The following TBC1D22A variants were observed in gnomAD, a reference collection of about 807,000 sequenced individuals.
TBC1D22A encodes the protein putative GTPase activator.
In TBC1D22A, 38 loss-of-function variants were observed where a neutral mutation model predicts 60.2. The observed-to-expected ratio is 0.63, with a 90% CI of 0.49 to 0.83. The LOEUF is 0.83. Ranked by LOEUF, TBC1D22A falls within the 40% of genes least tolerant of loss-of-function variation. The pLI is 0.00. For missense variants in TBC1D22A, 628 were observed against 701.0 expected, an observed-to-expected ratio of 0.90 and a Z score of 1.18; for synonymous variants, 302 against 281.7, an observed-to-expected ratio of 1.07 and a Z score of -0.72.
At chr22:46,996,146 G>A (rs1001348660) in intron 9 of TBC1D22A, among the ~76,000 whole-genome samples, 34 of 152,242 alleles carry the variant, frequency 2.2e-4, no homozygotes, top group Non-Finnish European at 4.6e-4. Flanking sequence ...TGCCTGCTAC[G>A]AGCCAGCACC....
chr22:47,128,857 G>A (rs990209544), intron 12 of TBC1D22A, among the ~76,000 whole-genome samples: 8 of 152,122 alleles, frequency 5.3e-5, no homozygotes, highest in South Asian at 2.1e-4. Flanking sequence ...CAAGATCCCC[G>A]GCTCTTCATG....
At chr22:47,021,818 G>A (rs752815152) in intron 10 of TBC1D22A, among the ~76,000 whole-genome samples, 19 of 152,160 alleles carry the variant, frequency 1.2e-4, no homozygotes, top group South Asian at 6.2e-4. Flanking sequence ...TCTCCCTCCC[G>A]CCCCAGTGCT....
intron 11 of TBC1D22A, among the ~76,000 whole-genome samples, chr22:47,111,202 C>G (rs1442817120): frequency 6.6e-6 from 1 of 152,258 alleles, no homozygotes; most frequent in African/African-American, 2.4e-5. Flanking sequence ...TTGAATTTGT[C>G]TCTTATCCTT....
intron 7 of TBC1D22A, among the ~76,000 whole-genome samples, chr22:46,909,262 G>C (rs2069717016): frequency 6.6e-6 from 1 of 151,750 alleles, no homozygotes; most frequent in African/African-American, 2.4e-5. Flanking sequence ...AAATGGTGGG[G>C]GTGCTCCACT....
chr22:46,955,564 T>C (rs796524938), intron 8 of TBC1D22A, among the ~76,000 whole-genome samples: 9 of 152,320 alleles, frequency 5.9e-5, no homozygotes, highest in African/African-American at 2.2e-4. Context: ...TTCGGGAAGA[T>C]TAATAAATTA....
At chr22:46,823,754 A>G (rs2085928891) in intron 4 of TBC1D22A, among the ~76,000 whole-genome samples, 1 of 152,182 alleles carries the variant, frequency 6.6e-6, no homozygotes, top group Admixed American at 6.5e-5. Context: ...GGAACTCTTG[A>G]TGTAATTTAA....
rs528001233 is a variant in TBC1D22A, at chr22:47,080,501, G to A, written c.1330-31007G>A. Among the ~76,000 whole-genome samples the A allele has an allele frequency of 9.5e-4, 145 of 152,048 alleles. 1 individual carries two copies. The highest frequency in any genetic ancestry group is 3.2e-3 in the African/African-American group (134 of 41,482). On this transcript the variant is annotated intron_variant, in intron 11 of 12. Transcript: ENST00000337137. ...AGCAGCATGCTTTTAAATAATCCGC[G>A]ATTCAAAGAAGTCAAAGGGAAAAGA...
Position 46,964,299 on chromosome 22 carries a change from G to A in TBC1D22A, c.1016-9991G>A, listed in dbSNP as rs117848063. 1.3e-3 allele frequency among the ~76,000 whole-genome samples: 197 copies of A among 152,294 alleles called. 2 individuals are homozygous for A. Among genetic ancestry groups the A allele is most frequent in the Admixed American group, 1.3e-3 (20 of 15,302 alleles). On this transcript the variant is annotated intron_variant, in intron 8 of 12. Transcript: ENST00000337137. Reference sequence around the variant, plus strand: ...AGAAGTTTATTTGTGGGGCTGTTCTGCAGTCATGCCTTTTGAGTACCTTCT... The same window carrying A: ...AGAAGTTTATTTGTGGGGCTGTTCTACAGTCATGCCTTTTGAGTACCTTCT...
intron 12 of TBC1D22A, among the ~76,000 whole-genome samples, chr22:47,133,613 G>C (rs909116143): frequency 1.3e-5 from 2 of 152,204 alleles, no homozygotes; most frequent in Non-Finnish European, 2.9e-5. Flanking sequence ...ACTGTCGTCT[G>C]TCCCCTGTGG....
In TBC1D22A at chr22:47,003,736, CAT is replaced by C. The variant is rs566336014; in HGVS notation, c.1201+6028_1201+6029del. ...CCTGTATACACACACTCTACACACA[CAT>C]GCCTGTACACACACACCGTACACAC... On this transcript the variant is annotated intron_variant, in intron 10 of 12. Transcript: ENST00000337137. Among the ~76,000 whole-genome samples, 214 of 137,628 alleles carry C rather than the reference CAT, an allele frequency of 1.6e-3. 3 individuals are homozygous for C. Among genetic ancestry groups the C allele is most frequent in the Admixed American group, 0.015 (206 of 13,892 alleles). The allele number at this position is 137,628 out of a possible 152,430, so 90.3% of individuals were successfully genotyped here. A position where few individuals can be genotyped will look rare whatever the true frequency, so the allele number is the denominator to read the frequency against.
intron 11 of TBC1D22A, among the ~76,000 whole-genome samples, chr22:47,058,563 G>C (rs1037932644): frequency 8.6e-5 from 13 of 151,620 alleles, no homozygotes; most frequent in Non-Finnish European, 1.8e-4. Flanking sequence ...TGATCCCTCT[G>C]CCCTCTCTTC....
intron 11 of TBC1D22A, among the ~76,000 whole-genome samples, chr22:47,077,484 T>C (rs774607240): frequency 1.3e-5 from 2 of 152,200 alleles, no homozygotes; most frequent in Non-Finnish European, 2.9e-5. Flanking sequence ...TCCCGCCCTA[T>C]TGGAAGTGGT....
intron 10 of TBC1D22A, among the ~76,000 whole-genome samples, chr22:47,017,432 G>A (rs1379617253): frequency 6.6e-6 from 1 of 152,176 alleles, no homozygotes; most frequent in Non-Finnish European, 1.5e-5. Flanking sequence ...CTCCCTGAGT[G>A]TTGGGGGAAC....
intron 8 of TBC1D22A, among the ~76,000 whole-genome samples, chr22:46,944,603 T>C (rs2072404735): frequency 6.6e-6 from 1 of 152,222 alleles, no homozygotes; most frequent in Non-Finnish European, 1.5e-5. Flanking sequence ...TTTCACCGTG[T>C]TAGCCAGGAT....
intron 10 of TBC1D22A, among the ~76,000 whole-genome samples, chr22:47,021,767 A>C (rs2062098493): frequency 6.6e-6 from 1 of 152,268 alleles, no homozygotes; most frequent in African/African-American, 2.4e-5. Context: ...ACAGAAAACT[A>C]ATAAAATGAA....
chr22:46,969,449 A>G (rs1187420416), intron 8 of TBC1D22A, among the ~76,000 whole-genome samples: 1 of 152,168 alleles, frequency 6.6e-6, no homozygotes, highest in African/African-American at 2.4e-5. Flanking sequence ...GGCTTATTTT[A>G]CAAATTGGTT....
chr22:46,912,953 G>A (rs1293387981), intron 8 of TBC1D22A, among the ~76,000 whole-genome samples: 2 of 152,186 alleles, frequency 1.3e-5, no homozygotes, highest in Non-Finnish European at 2.9e-5. Flanking sequence ...TTGCGTTTCT[G>A]TGGCCTTTCA....
intron 1 of TBC1D22A, among the ~76,000 whole-genome samples, chr22:46,763,565 A>C (rs901614952): frequency 6.6e-6 from 1 of 151,948 alleles, no homozygotes; most frequent in Non-Finnish European, 1.5e-5. Context: ...ACCTAGGATA[A>C]AATCAGCCAC....
intron 8 of TBC1D22A, among the ~76,000 whole-genome samples, chr22:46,952,800 G>T (rs1774968882): frequency 6.6e-6 from 1 of 152,162 alleles, no homozygotes; most frequent in South Asian, 2.1e-4. Context: ...AGCATTGTTG[G>T]TACCAGAGCT....
Sources: allele counts gnomAD v4.1 joint callset (sites outside exome capture counted in the v4.1 genomes callset), GRCh38; gene constraint gnomAD v4.1.1; transcripts MANE v1.5; gene names NCBI Gene and HGNC (gene_info 2026-07-23, HGNC 2026-07-21).